CCDC25: variants seen among roughly 807,000 people sequenced by gnomAD.
The protein encoded by CCDC25 is coiled-coil domain-containing protein 25.
CCDC25 carries 16 observed loss-of-function variants against 35.3 expected under a neutral mutation model. The ratio of observed to expected loss-of-function variants is 0.45; its 90% confidence interval spans 0.31 to 0.69. CCDC25 has a LOEUF of 0.69. Among genes scored for constraint, CCDC25 ranks in the 30% least tolerant of loss-of-function variants. The pLI is 0.06. For synonymous variants in CCDC25, 79 were observed against 80.3 expected (o/e 0.98, Z 0.09); for missense variants, 179 against 250.7 (o/e 0.71, Z 1.93).
chr8:27,772,127 A>C, intron 1 of CCDC25: 2 of 251,742 alleles, frequency 7.9e-6, no homozygotes, highest in Non-Finnish European at 7.7e-6. Flanking sequence ...CTCACAGGGG[A>C]TAATTACAAG....
In CCDC25 at chr8:27,733,775, T is replaced by C. The variant is rs1340415820; in HGVS notation, c.*2441A>G. Reference sequence around the variant, plus strand: ...ATCACGCGTAGGAAAAACTAGAAAATTGTTCCTTTTCCATTTTGCCACCCT... The same window carrying C: ...ATCACGCGTAGGAAAAACTAGAAAACTGTTCCTTTTCCATTTTGCCACCCT... On this transcript the variant is annotated 3_prime_UTR_variant, in exon 9 of 9. Coordinates refer to ENST00000356537, the MANE Select transcript of CCDC25 (RefSeq NM_018246.3). 6.6e-6 allele frequency: 1 copy of C among 152,134 alleles called. No individual in the cohort carries two copies. Among genetic ancestry groups the C allele is most frequent in the African/African-American group, 2.4e-5 (1 of 41,408 alleles). The allele number at this position is 152,134 out of a possible 1,614,324, so 9.4% of individuals were successfully genotyped here. A position where few individuals can be genotyped will look rare whatever the true frequency, so the allele number is the denominator to read the frequency against.
At chr8:27,745,605 T>C (rs1000041324) in intron 7 of CCDC25, among the ~76,000 whole-genome samples, 1 of 152,226 alleles carries the variant, frequency 6.6e-6, no homozygotes, top group African/African-American at 2.4e-5. Context: ...GCAAAATGTA[T>C]AAAAACACAT....
Position 27,748,227 on chromosome 8 carries a change from T to C in CCDC25, c.401A>G (p.Glu134Gly). 1 of 1,614,122 alleles carries C rather than the reference T, an allele frequency of 6.2e-7. No homozygotes were observed. ...TGGGAACCGCTCGACTTTGGTCTTT[T>C]CTAATCGGTTCAGGATCTCATTTAC... ...KKVNEILNRLEKTKVERFPDL... is the reference protein window; with the variant it reads ...KKVNEILNRLGKTKVERFPDL... The change falls in exon 7 of 9, where the codon GAA (glutamate) becomes GGA (glycine). Residue 134 changes from glutamate to glycine, a missense_variant. By Grantham distance (98) the Glu-to-Gly change is moderately conservative. Transcript: ENST00000356537.
At chr8:27,749,878 G>A (rs770158343) in intron 5 of CCDC25, among the ~76,000 whole-genome samples, 1 of 152,082 alleles carries the variant, frequency 6.6e-6, no homozygotes, top group African/African-American at 2.4e-5. Context: ...CAGCTAAAAA[G>A]GTTAATGAGT....
intron 7 of CCDC25, among the ~76,000 whole-genome samples, chr8:27,744,042 A>G (rs73564222): frequency 4.3e-4 from 65 of 152,358 alleles, no homozygotes; most frequent in African/African-American, 1.5e-3. Context: ...ATTTCCCCTC[A>G]GTTAATACAA....
intron 1 of CCDC25, among the ~76,000 whole-genome samples, chr8:27,768,528 G>A (rs1308496241): frequency 1.4e-5 from 2 of 139,014 alleles, no homozygotes; most frequent in Non-Finnish European, 3.0e-5. Flanking sequence ...TCATGCCACT[G>A]CACTCCAGCC....
chr8:27,763,874 A>C (rs1804311081), intron 2 of CCDC25, among the ~76,000 whole-genome samples: 1 of 152,242 alleles, frequency 6.6e-6, no homozygotes, highest in Non-Finnish European at 1.5e-5. Context: ...CACTCATAAC[A>C]GTCGTAGACA....
rs189074287 is a variant in CCDC25, at chr8:27,735,608, G to A, written c.*608C>T. Reference sequence around the variant, plus strand: ...TAAATATGTTGATACTAAGATGGAGGCCTCTGCTCAGAGGAAGCAAGGACG... The same window carrying A: ...TAAATATGTTGATACTAAGATGGAGACCTCTGCTCAGAGGAAGCAAGGACG... On this transcript the variant is annotated 3_prime_UTR_variant, in exon 9 of 9. Transcript: ENST00000356537. The A allele has an allele frequency of 1.3e-5, 2 of 152,350 alleles. No homozygotes were observed. The highest frequency in any genetic ancestry group is 2.1e-4 in the South Asian group (1 of 4,830). 9.4% of individuals were successfully genotyped at this position (152,350 alleles called of 1,614,324 possible).
chr8:27,759,067 C>T (rs559974564), intron 3 of CCDC25, among the ~76,000 whole-genome samples: 8 of 152,266 alleles, frequency 5.3e-5, no homozygotes, highest in Admixed American at 2.6e-4. Flanking sequence ...TCTTTCTAAA[C>T]ATTTATTCAA....
chr8:27,740,421 C>T, intron 8 of CCDC25, 51 bp downstream of exon 8: 1 of 1,550,410 alleles, frequency 6.4e-7, no homozygotes, highest in Non-Finnish European at 8.8e-7. Flanking sequence ...TATTAAAAAC[C>T]CTTAGTGAAT....
intron 7 of CCDC25, among the ~76,000 whole-genome samples, chr8:27,746,222 AT>A (rs1803597713): frequency 6.6e-6 from 1 of 152,224 alleles, no homozygotes; most frequent in African/African-American, 2.4e-5. Flanking sequence ...AGTAAGTAAT[AT>A]GTGTAGGTTT....
At chr8:27,743,072 A>C (rs530781808) in intron 7 of CCDC25, among the ~76,000 whole-genome samples, 11 of 152,262 alleles carry the variant, frequency 7.2e-5, no homozygotes, top group Admixed American at 4.6e-4. Context: ...TCCAGCTCAA[A>C]GAATGTCATC....
At chr8:27,763,365 A>C (rs1804290789) in intron 2 of CCDC25, among the ~76,000 whole-genome samples, 1 of 152,244 alleles carries the variant, frequency 6.6e-6, no homozygotes, top group Admixed American at 6.5e-5. Flanking sequence ...AGCCATATTA[A>C]TAATTAGTAA....
Position 27,748,109 on chromosome 8 carries a change from T to G in CCDC25, c.519A>C (p.Glu173Asp). 6.2e-7 allele frequency: 1 copy of G among 1,612,372 alleles called. No homozygotes were observed. The highest frequency in any genetic ancestry group is 8.5e-7 in the Non-Finnish European group (1 of 1,179,732). Residue 173 changes from glutamate to aspartate, a missense_variant, in exon 7 of 9, where the codon GAA becomes GAC. Physicochemically the swap from Glu to Asp is conservative, Grantham distance 45 (BLOSUM62 2). Coordinates refer to ENST00000356537, the MANE Select transcript of CCDC25 (RefSeq NM_018246.3). ...CATCCATTTCCCTCTTCTTCTTCAT[T>G]TCTTCTTTTTCTCTCTTTTTCATTT... is the stretch of plus-strand genomic sequence containing the variant. ...IQEMKKREKE[E>D]MKKKREMDEL...
At chr8:27,770,662 C>T (rs1046409437) in intron 1 of CCDC25, among the ~76,000 whole-genome samples, 5 of 151,740 alleles carry the variant, frequency 3.3e-5, no homozygotes, top group African/African-American at 1.2e-4. Flanking sequence ...TCGCTTGAAC[C>T]CGGGAGGCAG....
intron 1 of CCDC25, among the ~76,000 whole-genome samples, chr8:27,767,035 A>G (rs1256471163): frequency 6.6e-6 from 1 of 152,220 alleles, no homozygotes; most frequent in African/African-American, 2.4e-5. Context: ...GCTATAAAAC[A>G]TACAGATGGC....
At chr8:27,759,372 C>A (rs1370193189) in intron 3 of CCDC25, among the ~76,000 whole-genome samples, 2 of 152,010 alleles carry the variant, frequency 1.3e-5, no homozygotes, top group Non-Finnish European at 2.9e-5. Flanking sequence ...TTTGGGAGGC[C>A]GAGGTGGGTG....
chr8:27,770,912 T>G (rs1398383192), intron 1 of CCDC25, among the ~76,000 whole-genome samples: 1 of 151,982 alleles, frequency 6.6e-6, no homozygotes, highest in African/African-American at 2.4e-5. Flanking sequence ...AGTACAGTAG[T>G]CCCCCCTTAT....
intron 5 of CCDC25, among the ~76,000 whole-genome samples, chr8:27,749,246 C>T (rs867425454): frequency 6.6e-6 from 1 of 152,220 alleles, no homozygotes; most frequent in Non-Finnish European, 1.5e-5. Context: ...CTCCACCACT[C>T]ATACCCTCCC....
Sources: allele counts gnomAD v4.1 joint callset (sites outside exome capture counted in the v4.1 genomes callset), GRCh38; gene constraint gnomAD v4.1.1; transcripts MANE v1.5; gene names NCBI Gene and HGNC (gene_info 2026-07-23, HGNC 2026-07-21).